Variants in SLCO5A1 observed in about 807,000 individuals in gnomAD.
SLCO5A1 encodes the protein organic anion transporter polypeptide-related protein 4.
In SLCO5A1, 39 loss-of-function variants were observed where a neutral mutation model predicts 65.1. That is an observed-to-expected ratio of 0.60 (90% confidence interval 0.46 to 0.78). SLCO5A1 has a LOEUF of 0.78. Among genes scored for constraint, SLCO5A1 ranks in the 30% least tolerant of loss-of-function variants. The probability of loss-of-function intolerance (pLI) is 0.00; values close to 1 mark genes in which losing one functional copy is unlikely to be tolerated. For missense variants in SLCO5A1, 1,029 were observed against 1,069.4 expected (o/e 0.96, Z 0.53); for synonymous variants, 438 against 415.7 (o/e 1.05, Z -0.65).
At chr8:69,787,067 C>A (rs1406877495) in intron 2 of SLCO5A1, among the ~76,000 whole-genome samples, 1 of 152,208 alleles carries the variant, frequency 6.6e-6, no homozygotes, top group Non-Finnish European at 1.5e-5. Context: ...ATCCCTTCCC[C>A]ATGAATGCAG....
intron 2 of SLCO5A1, among the ~76,000 whole-genome samples, chr8:69,775,576 A>T (rs1232044971): frequency 1.3e-5 from 2 of 152,216 alleles, no homozygotes; most frequent in African/African-American, 4.8e-5. Flanking sequence ...ATTAGGCCAA[A>T]TTTTTTAAAG....
At chr8:69,702,331 G>A (rs1814777311) in intron 6 of SLCO5A1, among the ~76,000 whole-genome samples, 1 of 152,222 alleles carries the variant, frequency 6.6e-6, no homozygotes, top group Admixed American at 6.5e-5. Flanking sequence ...TACAGAAGTA[G>A]ATATTGAGGT....
At chr8:69,747,827 G>A (rs945491281) in intron 4 of SLCO5A1, among the ~76,000 whole-genome samples, 4 of 152,186 alleles carry the variant, frequency 2.6e-5, no homozygotes, top group African/African-American at 9.7e-5. Flanking sequence ...TAACTTCTAT[G>A]GCCTGTGAAT....
At chr8:69,773,062 C>T (rs1818404606) in intron 2 of SLCO5A1, 1 of 643,950 alleles carries the variant, frequency 1.6e-6, no homozygotes, top group Admixed American at 6.3e-5. Context: ...GGCTGAGCAG[C>T]ACACATGGGC....
chr8:69,772,106 C>T (rs1818340840), intron 2 of SLCO5A1, among the ~76,000 whole-genome samples: 1 of 152,208 alleles, frequency 6.6e-6, no homozygotes, highest in Admixed American at 6.5e-5. Flanking sequence ...ATCACAAAAA[C>T]CCAACAGGGC....
chr8:69,697,115 G>A (rs1029393107), intron 6 of SLCO5A1, among the ~76,000 whole-genome samples: 43 of 152,212 alleles, frequency 2.8e-4, no homozygotes, highest in African/African-American at 1.0e-3. Flanking sequence ...GGGTCAGAAA[G>A]TGCCTAGTAC....
intron 2 of SLCO5A1, among the ~76,000 whole-genome samples, chr8:69,830,518 A>G (rs1249673550): frequency 6.6e-6 from 1 of 152,146 alleles, no homozygotes; most frequent in African/African-American, 2.4e-5. Context: ...TCAGTAAAGT[A>G]AAATCCTTTA....
At chr8:69,688,045 A>C (rs540122110) in intron 6 of SLCO5A1, among the ~76,000 whole-genome samples, 1 of 152,076 alleles carries the variant, frequency 6.6e-6, no homozygotes, top group Non-Finnish European at 1.5e-5. Context: ...TCTTGGTTAC[A>C]AAATTTCAAA....
chr8:69,797,912 TGTG>T (rs1351749594), intron 2 of SLCO5A1, among the ~76,000 whole-genome samples: 3 of 152,234 alleles, frequency 2.0e-5, no homozygotes, highest in African/African-American at 7.2e-5. Context: ...ATGTGATCTC[TGTG>T]ACCCACACCC....
intron 8 of SLCO5A1, 119 bp downstream of exon 8, chr8:69,679,259 C>CCTGCA: frequency 2.8e-6 from 4 of 1,404,008 alleles, no homozygotes; most frequent in Non-Finnish European, 3.9e-6. Flanking sequence ...TGAGCGCCCT[C>CCTGCA]CTGCACATGC....
chr8:69,780,861 A>C (rs952853623), intron 2 of SLCO5A1, among the ~76,000 whole-genome samples: 1 of 152,238 alleles, frequency 6.6e-6, no homozygotes, highest in African/African-American at 2.4e-5. Context: ...CTGAAAAAAA[A>C]AAATCACATC....
chr8:69,733,996 A>C (rs1816447232), intron 5 of SLCO5A1, among the ~76,000 whole-genome samples: 2 of 151,348 alleles, frequency 1.3e-5, no homozygotes, highest in South Asian at 4.2e-4. Flanking sequence ...AAAGACCATG[A>C]GCAGGGAGAG....
At chr8:69,829,795 A>G (rs549707420) in intron 2 of SLCO5A1, among the ~76,000 whole-genome samples, 20 of 152,374 alleles carry the variant, frequency 1.3e-4, no homozygotes, top group South Asian at 8.3e-4. Flanking sequence ...ATGTTCCTTC[A>G]GTTATGTAAA....
At position 69,698,405 on chromosome 8, in the gene SLCO5A1, G is replaced by A. The variant is rs535046434; in HGVS notation, c.1622+6626C>T. Among the ~76,000 whole-genome samples the A allele has an allele frequency of 4.6e-5, 7 of 152,292 alleles. 1 individual carries two copies. The South Asian group carries it at 1.0e-3, about 23-fold the overall frequency. On this transcript the variant is annotated intron_variant, in intron 6 of 9. Transcript: ENST00000260126. The stretch of plus-strand genomic sequence containing the variant: ...GATTGCTGGGTTGAATGGTAATTCT[G>A]TTTTAAGTTCTTCGAGAAACCATCA...
At chr8:69,747,052 C>A (rs908324663) in intron 4 of SLCO5A1, among the ~76,000 whole-genome samples, 1 of 152,162 alleles carries the variant, frequency 6.6e-6, no homozygotes, top group Non-Finnish European at 1.5e-5. Flanking sequence ...ACTAGCCAAT[C>A]CTAAGCTCTT....
chr8:69,750,369 G>T (rs1029793452), intron 4 of SLCO5A1, among the ~76,000 whole-genome samples: 6 of 151,958 alleles, frequency 3.9e-5, no homozygotes, highest in African/African-American at 1.5e-4. Flanking sequence ...CTGACAATCT[G>T]CTCCTCCTCC....
At chr8:69,675,455 C>T (rs1813510084) in intron 9 of SLCO5A1, among the ~76,000 whole-genome samples, 1 of 152,102 alleles carries the variant, frequency 6.6e-6, no homozygotes, top group Non-Finnish European at 1.5e-5. Context: ...GGGATTAAAG[C>T]ATTAGCCACT....
chr8:69,681,380 G>A (rs995590186), intron 7 of SLCO5A1, among the ~76,000 whole-genome samples: 4 of 152,276 alleles, frequency 2.6e-5, no homozygotes, highest in African/African-American at 9.6e-5. Context: ...GATCACCTGA[G>A]GTCGGGAGTT....
chr8:69,740,889 G>A lies in SLCO5A1; in HGVS notation c.1259-2685C>T, dbSNP rs150826446. On this transcript the variant is annotated intron_variant, in intron 4 of 9. Coordinates refer to ENST00000260126, the MANE Select transcript of SLCO5A1 (RefSeq NM_030958.3). ...AATCTAATAGGAATGAGATATAGTC[G>A]GTTTTTATTATTCACAGATTCCATA... Among the ~76,000 whole-genome samples, 600 of 152,224 alleles carry A rather than the reference G, an allele frequency of 3.9e-3. 6 individuals are homozygous for A. Among genetic ancestry groups the A allele is most frequent in the African/African-American group, 0.013 (551 of 41,542 alleles).
Sources: gnomAD v4.1 joint callset for allele counts (sites outside exome capture counted in the v4.1 genomes callset) on GRCh38, gnomAD v4.1.1 for gene constraint, MANE v1.5 for transcripts, NCBI Gene and HGNC (gene_info 2026-07-23, HGNC 2026-07-21) for gene names.